The following CSNK2A1 variants were observed in gnomAD, a reference collection of about 807,000 sequenced individuals.
CSNK2A1 encodes the protein casein kinase II subunit alpha.
A neutral mutation model predicts 62.9 loss-of-function variants in CSNK2A1; 10 were observed. That is an observed-to-expected ratio of 0.16 (90% CI 0.10 to 0.27). CSNK2A1 has a LOEUF of 0.27. CSNK2A1 is among the 10% of genes least tolerant of loss of function. The probability of loss-of-function intolerance (pLI) is 1.00; values close to 1 mark genes in which losing one functional copy is unlikely to be tolerated. For missense variants in CSNK2A1, 160 were observed against 492.0 expected (o/e 0.33, Z 6.38); for synonymous variants, 124 against 167.8 (o/e 0.74, Z 2.02).
At chr20:487,284 C>T in intron 12 of CSNK2A1, 143 bp downstream of exon 12, 1 of 1,117,040 alleles carries the variant, frequency 9.0e-7, no homozygotes, top group Non-Finnish European at 1.3e-6. Context: ...AATGTAGTTG[C>T]CATCACTATC....
rs148706270 is a variant in CSNK2A1 at position 534,959 on chromosome 20, G to A, written c.-226-6910C>T. On this transcript the variant is annotated intron_variant, in intron 1 of 13. Transcript: ENST00000217244. ...TGAGGCAGGAGAATTGCTTGAACCC[G>A]GGAGGTGGAGGTTGCAGTGAGCCAA... is the stretch of plus-strand genomic sequence containing the variant. Among the ~76,000 whole-genome samples, 728 of 145,260 alleles carry A rather than the reference G, an allele frequency of 5.0e-3. 7 individuals are homozygous for A. The highest frequency in any genetic ancestry group is 0.018 in the African/African-American group (694 of 38,832).
chr20:512,189 G>C (rs2018737125), intron 2 of CSNK2A1, among the ~76,000 whole-genome samples: 1 of 150,842 alleles, frequency 6.6e-6, no homozygotes, highest in Admixed American at 6.6e-5. Context: ...CTATTTTTTG[G>C]TTTTCTTTTC....
intron 11 of CSNK2A1, 41 bp downstream of exon 11, chr20:488,637 T>C: frequency 6.3e-7 from 1 of 1,590,182 alleles, no homozygotes; most frequent in Non-Finnish European, 8.6e-7. Flanking sequence ...ACTCTCAAAG[T>C]GCTTAAGCCA....
In CSNK2A1 at chr20:479,369, A is replaced by G. The variant is rs1408520838; in HGVS notation, c.*4592T>C. 1 of 152,136 alleles carries G rather than the reference A, an allele frequency of 6.6e-6. No homozygotes were observed. Among genetic ancestry groups the G allele is most frequent in the Non-Finnish European group, 1.5e-5 (1 of 68,008 alleles). 9.4% of individuals were successfully genotyped at this position (152,136 alleles called of 1,614,324 possible). The stretch of plus-strand genomic sequence containing the variant: ...AATTTAACAGATAGGAAATATTGGG[A>G]CCTCTGGGGAAGGGAGGAAGAAGAG... On this transcript the variant is annotated 3_prime_UTR_variant, in exon 14 of 14. Transcript: ENST00000217244.
At chr20:527,769 C>T (rs149638042) in intron 2 of CSNK2A1, among the ~76,000 whole-genome samples, 164 bp downstream of exon 2, 354 of 152,274 alleles carry the variant, frequency 2.3e-3, no homozygotes, top group Middle Eastern at 0.017. Context: ...AAACTCCTGA[C>T]CTCAGGTGAT....
chr20:518,579 C>T (rs1217257186), intron 2 of CSNK2A1, among the ~76,000 whole-genome samples: 1 of 152,048 alleles, frequency 6.6e-6, no homozygotes, highest in Admixed American at 6.5e-5. Context: ...CAGAGTCTCG[C>T]TCTGTCACCC....
rs1568490114 is a variant in CSNK2A1, at chr20:481,041, GA to G, written c.*2919del. On this transcript the variant is annotated 3_prime_UTR_variant, in exon 14 of 14. Transcript: ENST00000217244. Reference sequence around the variant, plus strand: ...GTACAAGAAACAGAATTCAAAACGTGAAAACGGAGCCATCTATCACACACGG... The same window carrying G: ...GTACAAGAAACAGAATTCAAAACGTGAAACGGAGCCATCTATCACACACGG... The G allele has an allele frequency of 1.3e-5, 2 of 152,172 alleles. No individual in the cohort carries two copies. The highest frequency in any genetic ancestry group is 6.5e-5 in the Admixed American group (1 of 15,284). 9.4% of individuals were successfully genotyped at this position (152,172 alleles called of 1,614,324 possible).
chr20:511,077 C>T (rs73569090), intron 2 of CSNK2A1, among the ~76,000 whole-genome samples: 11,084 of 152,080 alleles, frequency 0.073, 445 homozygotes, highest in South Asian at 0.13. Context: ...ACTTTATGGC[C>T]AGGCACAGTG....
chr20:543,539 T>G, intron 1 of CSNK2A1, 133 bp downstream of exon 1: 1 of 394,862 alleles, frequency 2.5e-6, no homozygotes, highest in Non-Finnish European at 4.5e-6. Context: ...GGTTTATGTG[T>G]GAAGGTGGGG....
At chr20:487,393 G>A (rs867655040) in intron 12 of CSNK2A1, 34 bp downstream of exon 12, 4 of 1,612,582 alleles carry the variant, frequency 2.5e-6, no homozygotes. Context: ...CTCTGCGCCT[G>A]CACAAACTCT....
chr20:492,324 G>A lies in CSNK2A1; in HGVS notation c.551C>T (p.Pro184Leu). ...AACTCGGACATTATATTCTTGGCCA[G>A]GATGATAAAACTCAGCCAAACCCCA... ...IDWGLAEFYH[P>L]GQEYNVRVAS... is the part of the protein sequence containing the mutation. Residue 184 changes from proline (P) to leucine (L), a missense_variant, in exon 9 of 14, where the codon CCT becomes CTT. Transcript: ENST00000217244. 1 of 1,614,028 alleles carries A rather than the reference G, an allele frequency of 6.2e-7. No individual in the cohort carries two copies. Among genetic ancestry groups the A allele is most frequent in the Non-Finnish European group, 8.5e-7 (1 of 1,179,996 alleles).
chr20:508,474 G>A lies in CSNK2A1; in HGVS notation c.78C>T (p.Tyr26=), dbSNP rs756689075. The A allele has an allele frequency of 8.1e-6, 13 of 1,614,046 alleles. No individual in the cohort carries two copies. Among genetic ancestry groups the A allele is most frequent in the South Asian group, 1.1e-5 (1 of 91,062 alleles). ...NTHRPREYWD[Y]ESHVVEWGNQ... is the part of the protein sequence containing the mutation. The stretch of plus-strand genomic sequence containing the variant: ...ACCCCCATTCCACCACATGTGACTC[G>A]TAATCCCAGTATTCTCGAGGTCTGT... The change falls in exon 3 of 14, where the codon TAC becomes TAT. Residue 26 remains tyrosine, a synonymous_variant. Transcript: ENST00000217244.
intron 2 of CSNK2A1, among the ~76,000 whole-genome samples, chr20:525,310 G>C (rs139476735): frequency 6.6e-6 from 1 of 151,984 alleles, no homozygotes; most frequent in Non-Finnish European, 1.5e-5. Context: ...CTAGGAGTTC[G>C]AGACCAGCCT....
At chr20:505,473 C>T (rs1356055963) in intron 3 of CSNK2A1, among the ~76,000 whole-genome samples, 1 of 149,716 alleles carries the variant, frequency 6.7e-6, no homozygotes, top group African/African-American at 2.5e-5. Flanking sequence ...CATTCTCCTG[C>T]CTCAGCCTCC....
At chr20:513,182 C>T (rs2122585507) in intron 2 of CSNK2A1, among the ~76,000 whole-genome samples, 1 of 152,340 alleles carries the variant, frequency 6.6e-6, no homozygotes, top group South Asian at 2.1e-4. Context: ...CTCTACATAA[C>T]CTTTACAGCC....
Position 478,598 on chromosome 20 carries a change from G to A in CSNK2A1, c.*5363C>T. ...CCATCCTGTAAGCTTCCATCTGGAGGTACCTGGGGAAGGGCTTCTCACATT... is the reference window on the plus strand; with the variant it reads ...CCATCCTGTAAGCTTCCATCTGGAGATACCTGGGGAAGGGCTTCTCACATT... On this transcript the variant is annotated 3_prime_UTR_variant, in exon 14 of 14. Coordinates refer to ENST00000217244, the MANE Select transcript of CSNK2A1 (RefSeq NM_177559.3). The A allele has an allele frequency of 2.5e-6, 1 of 400,192 alleles. No individual in the cohort carries two copies. The highest frequency in any genetic ancestry group is 3.1e-5 in the Admixed American group (1 of 31,868). The allele number at this position is 400,192 out of a possible 1,614,324, so 24.8% of individuals were successfully genotyped here.
rs1201983398 is a variant in CSNK2A1, at chr20:483,253, T to C, written c.*708A>G. 6.6e-6 allele frequency: 1 copy of C among 152,170 alleles called. No homozygotes were observed. The highest frequency in any genetic ancestry group is 1.5e-5 in the Non-Finnish European group (1 of 68,024). 9.4% of individuals were successfully genotyped at this position (152,170 alleles called of 1,614,324 possible). ...TTAAACTGAACTAAAAATAAAAGTA[T>C]AAATGAGTTGGATTTAGGGTTAGAT... On this transcript the variant is annotated 3_prime_UTR_variant, in exon 14 of 14. Coordinates refer to ENST00000217244, the MANE Select transcript of CSNK2A1 (RefSeq NM_177559.3).
rs541086281 is a variant in CSNK2A1 at position 477,600 on chromosome 20, G to C, written c.*6361C>G. 6.6e-6 allele frequency: 1 copy of C among 152,350 alleles called. No individual in the cohort carries two copies. Among genetic ancestry groups the C allele is most frequent in the African/African-American group, 2.4e-5 (1 of 41,540 alleles). The allele number at this position is 152,350 out of a possible 1,614,324, so 9.4% of individuals were successfully genotyped here. A position where few individuals can be genotyped will look rare whatever the true frequency, so the allele number is the denominator to read the frequency against. On this transcript the variant is annotated 3_prime_UTR_variant, in exon 14 of 14. Coordinates refer to ENST00000217244, the MANE Select transcript of CSNK2A1 (RefSeq NM_177559.3). ...TTTCAGTTTCTATCTTAGAAAGCCCGGGAGTCTGTGTCCTATCTCCCTGGG... is the reference window on the plus strand; with the variant it reads ...TTTCAGTTTCTATCTTAGAAAGCCCCGGAGTCTGTGTCCTATCTCCCTGGG...
rs560162281 is a variant in CSNK2A1 at position 499,574 on chromosome 20, C to G, written c.315+259G>C. ...CGCCCATCGCCCATCGGCATCGGAC[C>G]TGAGTTTGCAAAATGGATTAACACA... On this transcript the variant is annotated intron_variant, in intron 5 of 13. Coordinates refer to ENST00000217244, the MANE Select transcript of CSNK2A1 (RefSeq NM_177559.3). This position sits in a 1 kb window ranked among gnomAD's most constrained non-coding sequence, Gnocchi z 4.2. 163 of 557,626 alleles carry G rather than the reference C, an allele frequency of 2.9e-4. No individual in the cohort carries two copies. Among genetic ancestry groups the G allele is most frequent in the African/African-American group, 2.6e-3 (140 of 53,228 alleles). 34.5% of individuals were successfully genotyped at this position (557,626 alleles called of 1,614,324 possible).
Sources: gnomAD v4.1 joint callset for allele counts (sites outside exome capture counted in the v4.1 genomes callset) on GRCh38, gnomAD v4.1.1 for gene constraint, Gnocchi (gnomAD v3.1) non-coding constraint, MANE v1.5 for transcripts, NCBI Gene and HGNC (gene_info 2026-07-23, HGNC 2026-07-21) for gene names.